Variants in USP12 observed in about 807,000 individuals in gnomAD.
USP12 encodes ubiquitin specific peptidase 12.
In USP12, 19 loss-of-function variants were observed where a neutral mutation model predicts 45.5. The observed-to-expected ratio is 0.42, with a 90% CI of 0.29 to 0.61. USP12 has a LOEUF of 0.61. Among genes scored for constraint, USP12 ranks in the 20% least tolerant of loss-of-function variants. The pLI is 0.22. For missense variants in USP12, 242 were observed against 447.7 expected, an observed-to-expected ratio of 0.54 and a Z score of 4.15; for synonymous variants, 149 against 148.8, an observed-to-expected ratio of 1.00 and a Z score of -0.01.
At chr13:27,088,875 A>G (rs998346327) in intron 6 of USP12, among the ~76,000 whole-genome samples, 1 of 152,166 alleles carries the variant, frequency 6.6e-6, no homozygotes, top group African/African-American at 2.4e-5. Context: ...CTGTCCTAGA[A>G]GTGATCTTGG....
intron 6 of USP12, among the ~76,000 whole-genome samples, chr13:27,082,297 C>T (rs879919910): frequency 1.3e-5 from 2 of 152,192 alleles, no homozygotes; most frequent in Non-Finnish European, 2.9e-5. Context: ...AGCTTCTTTC[C>T]TTAAAACCTC....
intron 1 of USP12, among the ~76,000 whole-genome samples, chr13:27,166,126 T>C (rs1878335617): frequency 6.6e-6 from 1 of 152,126 alleles, no homozygotes; most frequent in Non-Finnish European, 1.5e-5. Flanking sequence ...AACTTTCCCA[T>C]ATATACACAT....
intron 6 of USP12, among the ~76,000 whole-genome samples, chr13:27,076,029 C>CAAA (rs11458818): frequency 2.0e-4 from 20 of 97,994 alleles, no homozygotes; most frequent in African/African-American, 4.3e-4. Flanking sequence ...GGCTCCGTCT[C>CAAA]AAAAAAAAAA....
intron 2 of USP12, among the ~76,000 whole-genome samples, chr13:27,110,111 G>A: frequency 8.7e-6 from 1 of 115,564 alleles, no homozygotes; most frequent in African/African-American, 3.3e-5. Context: ...TGATGACTAG[G>A]ATTTCCTTTT....
chr13:27,117,677 T>G, intron 1 of USP12: 1 of 513,500 alleles, frequency 1.9e-6, no homozygotes, highest in Non-Finnish European at 3.9e-6. Context: ...AAATATACTA[T>G]ATACCTGAGT....
At chr13:27,154,740 A>G (rs1287694939) in intron 1 of USP12, among the ~76,000 whole-genome samples, 1 of 152,198 alleles carries the variant, frequency 6.6e-6, no homozygotes, top group East Asian at 1.9e-4. Context: ...TTCAAGTTGC[A>G]GAAGGAATTA....
At chr13:27,081,996 G>A (rs1873781383) in intron 6 of USP12, among the ~76,000 whole-genome samples, 1 of 152,160 alleles carries the variant, frequency 6.6e-6, no homozygotes, top group Admixed American at 6.5e-5. Flanking sequence ...GGTAGATTCA[G>A]CGTAATTCTT....
At chr13:27,161,779 G>A (rs1878117089) in intron 1 of USP12, among the ~76,000 whole-genome samples, 2 of 152,020 alleles carry the variant, frequency 1.3e-5, no homozygotes, top group African/African-American at 4.8e-5. Flanking sequence ...ATACTTGGGA[G>A]GCTCAGGCAG....
rs1214539187 is a variant in USP12, at chr13:27,069,187, T to A, written c.*96A>T. The A allele has an allele frequency of 3.8e-6, 4 of 1,061,432 alleles. No homozygotes were observed. The Admixed American group carries it at 5.5e-5, about 15-fold the overall frequency. The allele number at this position is 1,061,432 out of a possible 1,614,324, so 65.8% of individuals were successfully genotyped here. ...GTGTGCTACTGCCCCCTGAGCTTCC[T>A]GCATTTCTCTTTTCTTGAAAAATCA... On this transcript the variant is annotated 3_prime_UTR_variant, in exon 9 of 9. Coordinates refer to ENST00000282344, the MANE Select transcript of USP12 (RefSeq NM_182488.4).
chr13:27,096,422 C>T (rs941851573), intron 3 of USP12, among the ~76,000 whole-genome samples: 2 of 152,166 alleles, frequency 1.3e-5, no homozygotes, highest in Admixed American at 1.3e-4. Context: ...AAATGTGAGA[C>T]TTTATAATTC....
chr13:27,127,653 T>C (rs2137807607), intron 1 of USP12, among the ~76,000 whole-genome samples: 1 of 152,294 alleles, frequency 6.6e-6, no homozygotes, highest in South Asian at 2.1e-4. Context: ...ATAGGGAAGA[T>C]TTCTGGCAAG....
chr13:27,156,836 G>A (rs191542228), intron 1 of USP12, among the ~76,000 whole-genome samples: 1 of 147,484 alleles, frequency 6.8e-6, no homozygotes, highest in African/African-American at 2.6e-5. Flanking sequence ...AAACAAAAGA[G>A]AGAGAGAGAA....
intron 6 of USP12, among the ~76,000 whole-genome samples, chr13:27,085,968 T>A (rs983001167): frequency 6.6e-6 from 1 of 151,724 alleles, no homozygotes; most frequent in Non-Finnish European, 1.5e-5. Context: ...GAGATCTAGA[T>A]GAGCCTAGGC....
chr13:27,102,011 T>TGAATGAATG (rs1555234355), intron 3 of USP12, among the ~76,000 whole-genome samples: 5 of 151,746 alleles, frequency 3.3e-5, no homozygotes, highest in African/African-American at 1.2e-4. Flanking sequence ...TCCCATTTTT[T>TGAATGAATG]AATGAATGAA....
intron 6 of USP12, among the ~76,000 whole-genome samples, chr13:27,082,143 T>C: frequency 6.6e-6 from 1 of 150,730 alleles, no homozygotes; most frequent in African/African-American, 2.5e-5. Context: ...ATGACAGTCC[T>C]AAACACCCTC....
rs80175881 is a variant in USP12 at position 27,119,570 on chromosome 13, G to A, written c.49-2974C>T. On this transcript the variant is annotated intron_variant, in intron 1 of 8. Coordinates refer to ENST00000282344, the MANE Select transcript of USP12 (RefSeq NM_182488.4). ...GCTTTACATGAACTAAGATTTTCAT[G>A]GCTAAAACTATTCAGAAAATTAAAA... Among the ~76,000 whole-genome samples the A allele has an allele frequency of 5.4e-3, 819 of 152,312 alleles. 4 individuals carry two copies. Among genetic ancestry groups the A allele is most frequent in the Middle Eastern group, 0.014 (4 of 294 alleles).
chr13:27,152,332 T>G (rs1877606048), intron 1 of USP12, among the ~76,000 whole-genome samples: 1 of 152,174 alleles, frequency 6.6e-6, no homozygotes, highest in Non-Finnish European at 1.5e-5. Flanking sequence ...TGTTACAACA[T>G]AAATGAACCT....
Position 27,090,112 on chromosome 13 carries a change from T to C in USP12, c.620A>G (p.Glu207Gly). The change falls in exon 5 of 9, where the codon GAA (glutamate) becomes GGA (glycine). Residue 207 changes from glutamate to glycine, a missense_variant. Around this residue, in one of 5 missense-constraint regions of USP12, gnomAD observed 12 missense variants for 71.0 expected, o/e 0.17. Coordinates refer to ENST00000282344, the MANE Select transcript of USP12 (RefSeq NM_182488.4). ...EDFLDLSVDV[E>G]QNTSITHCLR... ...GCAGTGAGTAATTGATGTATTTTGTTCCACGTCAACAGAAAGGTCTAAAAA... is the reference window on the plus strand; with the variant it reads ...GCAGTGAGTAATTGATGTATTTTGTCCCACGTCAACAGAAAGGTCTAAAAA... 1 of 1,580,442 alleles carries C rather than the reference T, an allele frequency of 6.3e-7. No homozygotes were observed. Among genetic ancestry groups the C allele is most frequent in the South Asian group, 1.1e-5 (1 of 87,172 alleles).
At chr13:27,171,480 CGCCCG>C in intron 1 of USP12, 107 bp downstream of exon 1, 2 of 150,024 alleles carry the variant, frequency 1.3e-5, no homozygotes, top group Non-Finnish European at 1.4e-5. Context: ...CCAGCCCGCC[CGCCCG>C]CCCCGGCGCT....
Sources: allele counts gnomAD v4.1 joint callset (sites outside exome capture counted in the v4.1 genomes callset), GRCh38; gene constraint gnomAD v4.1.1; regional missense constraint gnomAD v4.1.1; transcripts MANE v1.5; gene names NCBI Gene and HGNC (gene_info 2026-07-23, HGNC 2026-07-21).